PTPRU: variants seen among roughly 807,000 people sequenced by gnomAD.
PTPRU encodes receptor-type tyrosine-protein phosphatase U.
In PTPRU, 69 loss-of-function variants were observed where a neutral mutation model predicts 166.3. The observed-to-expected ratio is 0.41, with a 90% CI of 0.34 to 0.51. PTPRU has a LOEUF of 0.51. PTPRU is among the 20% of genes least tolerant of loss of function. The probability of loss-of-function intolerance (pLI) is 0.09; values close to 1 mark genes in which losing one functional copy is unlikely to be tolerated. For missense variants in PTPRU, 1,657 were observed against 2,013.7 expected (o/e 0.82, Z 3.39); for synonymous variants, 793 against 814.0 (o/e 0.97, Z 0.44).
intron 22 of PTPRU, among the ~76,000 whole-genome samples, 190 bp downstream of exon 22, chr1:29,312,896 C>T (rs954986310): frequency 2.0e-5 from 3 of 152,214 alleles, no homozygotes; most frequent in African/African-American, 7.2e-5. Flanking sequence ...TTGGCATCTT[C>T]ATGTGCCCCC....
At chr1:29,248,769 A>G (rs1265453646) in intron 1 of PTPRU, among the ~76,000 whole-genome samples, 2 of 151,574 alleles carry the variant, frequency 1.3e-5, no homozygotes, top group African/African-American at 4.9e-5. Context: ...GCACACACCC[A>G]CCTCCCCCTT....
chr1:29,298,684 G>A (rs576410440), intron 15 of PTPRU, among the ~76,000 whole-genome samples: 2 of 152,316 alleles, frequency 1.3e-5, no homozygotes, highest in South Asian at 2.1e-4. Context: ...ATAAGTGCCA[G>A]GTTTTTTCAT....
rs1352978113 is a variant in PTPRU at position 29,317,329 on chromosome 1, C to T, written c.3514-419C>T. Among the ~76,000 whole-genome samples the T allele has an allele frequency of 6.6e-6, 1 of 152,130 alleles. No homozygotes were observed. Among genetic ancestry groups the T allele is most frequent in the African/African-American group, 2.4e-5 (1 of 41,420 alleles). On this transcript the variant is annotated intron_variant, in intron 24 of 29. Coordinates refer to ENST00000373779, the MANE Select transcript of PTPRU (RefSeq NM_133178.4). The surrounding 1 kb of genome is among the most constrained non-coding windows in gnomAD (Gnocchi z 5.6). ...CCGCTTCTTGGAGGGTGTGGGGTTT[C>T]AGGGGTTGCCTCAGTGAAGGCACTG... is the stretch of plus-strand genomic sequence containing the variant.
rs1241945183 is a variant in PTPRU at position 29,282,783 on chromosome 1, G to A, written c.1976G>A (p.Arg659Gln). The A allele has an allele frequency of 1.2e-6, 2 of 1,614,106 alleles. No homozygotes were observed. The highest frequency in any genetic ancestry group is 1.7e-5 in the Admixed American group (1 of 60,026). The change falls in exon 12 of 30, where the codon CGA becomes CAA. Residue 659 changes from arginine to glutamine, a missense_variant. Coordinates refer to ENST00000373779, the MANE Select transcript of PTPRU (RefSeq NM_133178.4). ...VPLTFEAALA[R>Q]GLVHYFGAEL... ...TTGACCTTCGAGGCGGCGCTGGCCCGAGGCCTGGTGCACTACTTCGGGGCC... is the reference window on the plus strand; with the variant it reads ...TTGACCTTCGAGGCGGCGCTGGCCCAAGGCCTGGTGCACTACTTCGGGGCC...
chr1:29,261,414 C>T (rs1020021901), intron 7 of PTPRU, among the ~76,000 whole-genome samples: 4 of 152,160 alleles, frequency 2.6e-5, no homozygotes, highest in Non-Finnish European at 5.9e-5. Context: ...TTAAAAAGGG[C>T]AAAGCAGCTG....
intron 7 of PTPRU, among the ~76,000 whole-genome samples, chr1:29,264,870 T>A (rs982244699): frequency 2.0e-5 from 3 of 152,252 alleles, no homozygotes; most frequent in Non-Finnish European, 4.4e-5. Context: ...ATCTTGGCAC[T>A]GGAATTGGTT....
rs1468942485 is a variant in PTPRU, at chr1:29,238,776, C to A, written c.73+2059C>A. 6.6e-6 allele frequency among the ~76,000 whole-genome samples: 1 copy of A among 152,154 alleles called. No homozygotes were observed. The highest frequency in any genetic ancestry group is 6.5e-5 in the Admixed American group (1 of 15,282). ...CCGCGGGGTTCTGTATGCGCCCCATCCCCGCTCCTACCACCATCGCTTTGA... is the reference window on the plus strand; with the variant it reads ...CCGCGGGGTTCTGTATGCGCCCCATACCCGCTCCTACCACCATCGCTTTGA... On this transcript the variant is annotated intron_variant, in intron 1 of 29. Transcript: ENST00000373779. This position sits in a 1 kb window ranked among gnomAD's most constrained non-coding sequence, Gnocchi z 6.1.
intron 7 of PTPRU, among the ~76,000 whole-genome samples, chr1:29,266,955 T>C (rs1334003058): frequency 6.6e-6 from 1 of 152,124 alleles, no homozygotes; most frequent in Non-Finnish European, 1.5e-5. Flanking sequence ...CTGGGCATGG[T>C]GGGTTATACC....
In PTPRU at chr1:29,291,924, A is replaced by G. The variant is rs891552255; in HGVS notation, c.2374A>G (p.Met792Val). The part of the protein sequence containing the change: ...TVNYRQEKTH[M>V]MSAVDRSFTD... ...CAACTACCGCCAGGAGAAGACACAC[A>G]TGATGAGCGCCGTGGACCGCAGCTT... The change falls in exon 15 of 30, where the codon ATG (methionine) becomes GTG (valine). Residue 792 changes from methionine (M) to valine (V), a missense_variant. This residue lies in a region of PTPRU where 1,190 missense variants were observed against 1,477.4 expected (regional missense o/e 0.81). Transcript: ENST00000373779. The surrounding 1 kb of genome is among the most constrained non-coding windows in gnomAD (Gnocchi z 4.1). 7 of 1,614,054 alleles carry G rather than the reference A, an allele frequency of 4.3e-6. No individual in the cohort carries two copies. In the African/African-American group the frequency reaches 5.3e-5, roughly 12 times the overall value.
intron 21 of PTPRU, 135 bp from the exon 22 acceptor site, chr1:29,312,417 C>A: frequency 3.5e-6 from 3 of 854,118 alleles, no homozygotes; most frequent in Non-Finnish European, 5.1e-6. Context: ...ATACCTACTT[C>A]ATCAGTAAAT....
chr1:29,277,208 C>G (rs780487620), intron 8 of PTPRU, among the ~76,000 whole-genome samples: 3 of 152,168 alleles, frequency 2.0e-5, no homozygotes, highest in Non-Finnish European at 4.4e-5. Context: ...TCAAGTGATT[C>G]TCATGCCTCA....
At chr1:29,263,056 C>T (rs568625579) in intron 7 of PTPRU, among the ~76,000 whole-genome samples, 23 of 152,296 alleles carry the variant, frequency 1.5e-4, no homozygotes, top group African/African-American at 5.3e-4. Flanking sequence ...GTGATCTCGG[C>T]TCACTGCAAC....
chr1:29,307,907 T>C (rs1469904847), intron 18 of PTPRU, among the ~76,000 whole-genome samples: 1 of 151,796 alleles, frequency 6.6e-6, no homozygotes, highest in Admixed American at 6.6e-5. Context: ...ATTACAGGCA[T>C]GCACCACCAC....
At chr1:29,316,265 C>T (rs1687896808) in intron 24 of PTPRU, 114 bp downstream of exon 24, 3 of 1,282,850 alleles carry the variant, frequency 2.3e-6, no homozygotes, top group Non-Finnish European at 2.1e-6. Context: ...CAGCCTGAGG[C>T]CACAGCTGGA....
rs1222196438 is a variant in PTPRU, at chr1:29,280,739, G to A, written c.1868+598G>A. Among the ~76,000 whole-genome samples, 3 of 151,948 alleles carry A rather than the reference G, an allele frequency of 2.0e-5. No individual in the cohort carries two copies. The highest frequency in any genetic ancestry group is 6.6e-5 in the Admixed American group (1 of 15,252). ...TAAAGACATGGGATGTGTGGTGTGA[G>A]TGTGTGTGAGAGGCGTATATGGGAG... is the stretch of plus-strand genomic sequence containing the variant. On this transcript the variant is annotated intron_variant, in intron 11 of 29. Coordinates refer to ENST00000373779, the MANE Select transcript of PTPRU (RefSeq NM_133178.4). This position sits in a 1 kb window ranked among gnomAD's most constrained non-coding sequence, Gnocchi z 4.2.
chr1:29,246,382 CAG>C (rs1684299900), intron 1 of PTPRU, among the ~76,000 whole-genome samples: 1 of 152,222 alleles, frequency 6.6e-6, no homozygotes, highest in African/African-American at 2.4e-5. Flanking sequence ...GCACATGACT[CAG>C]GGAGTCTATA....
intron 1 of PTPRU, among the ~76,000 whole-genome samples, chr1:29,252,236 C>T (rs180717305): frequency 1.3e-5 from 2 of 151,550 alleles, no homozygotes; most frequent in East Asian, 3.9e-4. Flanking sequence ...CCCCTTTGTG[C>T]CTGGCTCTTC....
At position 29,317,861 on chromosome 1, in the gene PTPRU, G is replaced by T. The variant is rs371240081; in HGVS notation, c.3627G>T (p.Leu1209=). 6 of 1,613,930 alleles carry T rather than the reference G, an allele frequency of 3.7e-6. No individual in the cohort carries two copies. The highest frequency in any genetic ancestry group is 4.2e-6 in the Non-Finnish European group (5 of 1,180,044). The change falls in exon 25 of 30, where the codon CTG becomes CTT. Residue 1209 remains leucine (L), a synonymous_variant. Transcript: ENST00000373779. This position sits in a 1 kb window ranked among gnomAD's most constrained non-coding sequence, Gnocchi z 5.6. ...ACGTCCTGCCGCCCGACCGCTGCCT[G>T]CCCTTCCTCATCTCCACTGATGGGG... The part of the protein sequence containing the change: ...SMDVLPPDRC[L]PFLISTDGDS...
Position 29,277,803 on chromosome 1 carries a change from C to CTTTTTTTTTTTTTTTTT in PTPRU, c.1454-1192_1454-1176dup, listed in dbSNP as rs71586898. 6.7e-4 allele frequency among the ~76,000 whole-genome samples: 34 copies of CTTTTTTTTTTTTTTTTT among 50,592 alleles called. 5 individuals carry two copies. Among genetic ancestry groups the CTTTTTTTTTTTTTTTTT allele is most frequent in the South Asian group, 1.0e-3 (1 of 992 alleles). The allele number at this position is 50,592 out of a possible 152,430, so 33.2% of individuals were successfully genotyped here. ...ACCATCTGGCTTCACAGTTGTCATT[C>CTTTTTTTTTTTTTTTTT]TTTTTTTTTTTTTTTTTTTTTTTTT... On this transcript the variant is annotated intron_variant, in intron 8 of 29. Coordinates refer to ENST00000373779, the MANE Select transcript of PTPRU (RefSeq NM_133178.4).
Sources: gnomAD v4.1 joint callset for allele counts (sites outside exome capture counted in the v4.1 genomes callset) on GRCh38, gnomAD v4.1.1 for gene constraint, gnomAD v4.1.1 regional missense constraint, Gnocchi (gnomAD v3.1) non-coding constraint, MANE v1.5 for transcripts, NCBI Gene and HGNC (gene_info 2026-07-23, HGNC 2026-07-21) for gene names.